Variants in SH3BGR observed in about 807,000 individuals in gnomAD.
SH3BGR encodes SH3 domain binding glutamate rich protein.
In SH3BGR, 29 loss-of-function variants were observed where a neutral mutation model predicts 24.5. The ratio of observed to expected loss-of-function variants is 1.18; its 90% confidence interval spans 0.88 to 1.61. The LOEUF is 1.61. SH3BGR is among the 40% of genes most tolerant of loss of function. The pLI, the probability that SH3BGR is intolerant of heterozygous loss-of-function variation, is 0.00. For synonymous variants in SH3BGR, 55 were observed against 65.7 expected (o/e 0.84, Z 0.79); for missense variants, 162 against 205.8 (o/e 0.79, Z 1.30).
chr21:39,503,124 T>C (rs1424078897), intron 4 of SH3BGR, among the ~76,000 whole-genome samples: 2 of 152,188 alleles, frequency 1.3e-5, no homozygotes, highest in African/African-American at 4.8e-5. Flanking sequence ...AAAATAACTC[T>C]TACTCTGACC....
intron 2 of SH3BGR, among the ~76,000 whole-genome samples, chr21:39,472,494 G>A (rs2077958170): frequency 6.6e-6 from 1 of 152,240 alleles, no homozygotes; most frequent in Non-Finnish European, 1.5e-5. Context: ...TCACAGCAGC[G>A]GATACTGTTT....
intron 4 of SH3BGR, among the ~76,000 whole-genome samples, chr21:39,505,802 C>A (rs1273867654): frequency 6.6e-6 from 1 of 152,146 alleles, no homozygotes; most frequent in East Asian, 1.9e-4. Context: ...ATAGTTGTTG[C>A]TAGCTAACTA....
At chr21:39,458,222 T>C (rs1295663344) in intron 1 of SH3BGR, among the ~76,000 whole-genome samples, 1 of 152,176 alleles carries the variant, frequency 6.6e-6, no homozygotes, top group Non-Finnish European at 1.5e-5. Context: ...TAAAACATTT[T>C]TGTGAGTTGT....
chr21:39,470,745 T>A (rs1450118781), intron 2 of SH3BGR, among the ~76,000 whole-genome samples: 1 of 152,256 alleles, frequency 6.6e-6, no homozygotes, highest in Admixed American at 6.5e-5. Flanking sequence ...CTATTAATTT[T>A]ATCTTTACTT....
upstream of SH3BGR, chr21:39,451,961 C>T: frequency 6.2e-7 from 1 of 1,614,130 alleles, no homozygotes; most frequent in Non-Finnish European, 8.5e-7. Flanking sequence ...AGCGGGACTG[C>T]CGGAGCCCAG....
intron 4 of SH3BGR, among the ~76,000 whole-genome samples, chr21:39,508,446 C>T (rs1457456547): frequency 6.6e-6 from 1 of 152,214 alleles, no homozygotes; most frequent in Non-Finnish European, 1.5e-5. Flanking sequence ...GGTGACCCCA[C>T]CCACTCTTAC....
At position 39,510,909 on chromosome 21, in the gene SH3BGR, C is replaced by A. The variant is rs1485461934; in HGVS notation, c.436-771C>A. Among the ~76,000 whole-genome samples the A allele has an allele frequency of 1.4e-3, 94 of 65,860 alleles. 3 individuals are homozygous for A. Among genetic ancestry groups the A allele is most frequent in the East Asian group, 7.7e-3 (10 of 1,296 alleles). The allele number at this position is 65,860 out of a possible 152,430, so 43.2% of individuals were successfully genotyped here. On this transcript the variant is annotated intron_variant, in intron 5 of 6. Coordinates refer to ENST00000333634, the MANE Select transcript of SH3BGR (RefSeq NM_007341.3). ...TTCTTTTTGTATTTGATTCTTCTAA[C>A]TATATATATATATATATATATATAT...
chr21:39,501,950 A>G (rs773842236), intron 4 of SH3BGR, among the ~76,000 whole-genome samples: 1 of 152,246 alleles, frequency 6.6e-6, no homozygotes, highest in Non-Finnish European at 1.5e-5. Context: ...AGGTGGGCAG[A>G]TCACTTGAGG....
chr21:39,463,172 C>T (rs752809211), intron 2 of SH3BGR, among the ~76,000 whole-genome samples: 24 of 152,288 alleles, frequency 1.6e-4, no homozygotes, highest in Non-Finnish European at 2.9e-4. Context: ...GTGTGAGCCA[C>T]GGTGCCCAGC....
chr21:39,495,697 A>G (rs1388830890), intron 3 of SH3BGR, among the ~76,000 whole-genome samples: 1 of 152,102 alleles, frequency 6.6e-6, no homozygotes, highest in Non-Finnish European at 1.5e-5. Context: ...TGCCCAGGCT[A>G]GTCTTGAACC....
intron 4 of SH3BGR, among the ~76,000 whole-genome samples, chr21:39,506,172 A>T (rs2078579627): frequency 6.6e-6 from 1 of 152,180 alleles, no homozygotes; most frequent in Admixed American, 6.5e-5. Flanking sequence ...TGAATAAGAC[A>T]CAGGTTATGC....
intron 2 of SH3BGR, among the ~76,000 whole-genome samples, chr21:39,465,111 G>T (rs1188246323): frequency 6.6e-6 from 1 of 151,756 alleles, no homozygotes; most frequent in Non-Finnish European, 1.5e-5. Context: ...TCACTGTGTT[G>T]CCCAGGCTGG....
At chr21:39,456,532 G>C (rs755441971) in intron 1 of SH3BGR, among the ~76,000 whole-genome samples, 3 of 152,140 alleles carry the variant, frequency 2.0e-5, no homozygotes, top group African/African-American at 7.2e-5. Context: ...TGAAACTGTG[G>C]AATTTGGAGC....
intron 3 of SH3BGR, among the ~76,000 whole-genome samples, chr21:39,481,610 A>C (rs927108059): frequency 6.6e-6 from 1 of 152,202 alleles, no homozygotes; most frequent in African/African-American, 2.4e-5. Flanking sequence ...AAGTCTATTA[A>C]AATTAAAAAA....
intron 2 of SH3BGR, among the ~76,000 whole-genome samples, chr21:39,473,759 C>T (rs1256284920): frequency 6.6e-6 from 1 of 151,822 alleles, no homozygotes; most frequent in East Asian, 1.9e-4. Flanking sequence ...ATGGCATGCA[C>T]CTGTAATCCC....
intron 3 of SH3BGR, among the ~76,000 whole-genome samples, chr21:39,498,003 G>A (rs995488680): frequency 6.6e-6 from 1 of 152,150 alleles, no homozygotes; most frequent in Admixed American, 6.6e-5. Context: ...CCCATTGACT[G>A]GGAAATGTTT....
chr21:39,464,216 A>C (rs1163080004), intron 2 of SH3BGR, among the ~76,000 whole-genome samples: 5 of 152,086 alleles, frequency 3.3e-5, no homozygotes, highest in Non-Finnish European at 7.4e-5. Flanking sequence ...CCTATTTCCA[A>C]ATAAGGTAAC....
chr21:39,456,542 C>T (rs1400513694), intron 1 of SH3BGR, among the ~76,000 whole-genome samples: 2 of 152,094 alleles, frequency 1.3e-5, no homozygotes, highest in Non-Finnish European at 2.9e-5. Context: ...GAATTTGGAG[C>T]AGTTTCCATG....
chr21:39,479,873 T>C (rs899416051), intron 3 of SH3BGR, among the ~76,000 whole-genome samples: 17 of 152,322 alleles, frequency 1.1e-4, no homozygotes, highest in Middle Eastern at 3.4e-3. Context: ...ACATTTTTTT[T>C]TTCCTGCAAA....
Sources: allele counts gnomAD v4.1 joint callset (sites outside exome capture counted in the v4.1 genomes callset), GRCh38; gene constraint gnomAD v4.1.1; transcripts MANE v1.5; gene names NCBI Gene and HGNC (gene_info 2026-07-23, HGNC 2026-07-21).